The following CDC34 variants were observed in gnomAD, a reference collection of about 807,000 sequenced individuals.
The protein encoded by CDC34 is ubiquitin-conjugating enzyme E2 R1.
In CDC34, 18 loss-of-function variants were observed where a neutral mutation model predicts 26.8. The ratio of observed to expected loss-of-function variants is 0.67; its 90% CI spans 0.47 to 1.00. CDC34 has a LOEUF of 1.00. CDC34 is among the 50% of genes least tolerant of loss of function. CDC34 has a pLI of 0.00. For missense variants in CDC34, 280 were observed against 334.5 expected, an observed-to-expected ratio of 0.84 and a Z score of 1.27; for synonymous variants, 178 against 147.5, an observed-to-expected ratio of 1.21 and a Z score of -1.50.
Position 540,816 on chromosome 19 carries a change from C to CT in CDC34, c.498-523_498-522insT, listed in dbSNP as rs1435725752. Among the ~76,000 whole-genome samples, 310 of 95,200 alleles carry CT rather than the reference C, an allele frequency of 3.3e-3. 12 individuals carry two copies. The highest frequency in any genetic ancestry group is 0.012 in the African/African-American group (282 of 23,260). 62.5% of individuals were successfully genotyped at this position (95,200 alleles called of 152,430 possible). ...TGGCCAGGCCCCCCGGTTTAGAATCCGGAGGCCGGGGTGGCCAGGCCCCCG... is the reference window on the plus strand; with the variant it reads ...TGGCCAGGCCCCCCGGTTTAGAATCCTGGAGGCCGGGGTGGCCAGGCCCCCG... On this transcript the variant is annotated intron_variant, in intron 4 of 4. Transcript: ENST00000215574.
chr19:537,206 C>G, intron 4 of CDC34, 59 bp downstream of exon 4: 1 of 1,590,418 alleles, frequency 6.3e-7, no homozygotes, highest in East Asian at 2.3e-5. Context: ...GCACCCCGGC[C>G]CCTGGTCCCA....
chr19:537,573 C>T (rs1002285332), intron 4 of CDC34, among the ~76,000 whole-genome samples: 29 of 151,122 alleles, frequency 1.9e-4, no homozygotes, highest in Non-Finnish European at 1.0e-4. Context: ...AGGATGGTCT[C>T]GATCTCCTGA....
At chr19:540,801 C>T (rs2145853187) in intron 4 of CDC34, among the ~76,000 whole-genome samples, 2 of 58,224 alleles carry the variant, frequency 3.4e-5, no homozygotes, top group South Asian at 1.0e-3. Context: ...TGGCCAGGCC[C>T]CCCGGTTTAG....
chr19:532,181 C>A, intron 1 of CDC34, 73 bp downstream of exon 1: 1 of 1,262,284 alleles, frequency 7.9e-7, no homozygotes, highest in South Asian at 1.6e-5. Flanking sequence ...AGCTCCCTGC[C>A]CCGCGGTCCT....
Position 541,531 on chromosome 19 carries a change from C to T in CDC34, c.690C>T (p.Asp230=). 6.2e-7 allele frequency: 1 copy of T among 1,600,356 alleles called. No individual in the cohort carries two copies. Among genetic ancestry groups the T allele is most frequent in the South Asian group, 1.1e-5 (1 of 89,748 alleles). Residue 230 remains aspartate, a synonymous_variant, in exon 5 of 5, where the codon GAC becomes GAT. Transcript: ENST00000215574. Reference sequence around the variant, plus strand: ...GCTGCTTCGGGGACGATGAGGATGACTCTGGCACGGAGGAGTCCTGACACC... The same window carrying T: ...GCTGCTTCGGGGACGATGAGGATGATTCTGGCACGGAGGAGTCCTGACACC... ...ADSCFGDDED[D]SGTEES is the part of the protein sequence containing the mutation.
At chr19:536,088 C>CTCACATCCTCGTCCTTCCGGGACCT in intron 2 of CDC34, among the ~76,000 whole-genome samples, 155 bp from the exon 3 acceptor site, 1 of 131,646 alleles carries the variant, frequency 7.6e-6, no homozygotes, top group Non-Finnish European at 1.7e-5. Flanking sequence ...TTCCGGGACC[C>CTCACATCCTCGTCCTTCCGGGACCT]GAGGCGCTGG....
intron 4 of CDC34, chr19:538,563 C>T: frequency 7.0e-6 from 2 of 286,712 alleles, no homozygotes; most frequent in Non-Finnish European, 1.0e-5. Context: ...AGTGATATTG[C>T]ATAGATTTCC....
Position 537,006 on chromosome 19 carries a change from C to G in CDC34, c.363-7C>G. The G allele has an allele frequency of 1.9e-6, 3 of 1,613,550 alleles. No homozygotes were observed. The highest frequency in any genetic ancestry group is 2.5e-6 in the Non-Finnish European group (3 of 1,179,936). On this transcript the variant is annotated splice_polypyrimidine_tract_variant and splice_region_variant and intron_variant, in intron 3 of 4. Coordinates refer to ENST00000215574, the MANE Select transcript of CDC34 (RefSeq NM_004359.2). ...GGCCGCCCCACTCCGACCCACTCTC[C>G]CCACAGGACCATTCTCCTGAGTGTG...
intron 2 of CDC34, 87 bp from the exon 3 acceptor site, chr19:536,156 C>T (rs1463198503): frequency 1.8e-6 from 2 of 1,123,004 alleles, no homozygotes; most frequent in Non-Finnish European, 2.6e-6. Flanking sequence ...ACGTCCTCGT[C>T]CTCCACGTCC....
Position 532,448 on chromosome 19 carries a change from T to C in CDC34, c.177+340T>C, listed in dbSNP as rs566540549. Among the ~76,000 whole-genome samples, 15 of 152,252 alleles carry C rather than the reference T, an allele frequency of 9.9e-5. No homozygotes were observed. In the South Asian group the frequency reaches 2.9e-3, roughly 29 times the overall value. ...CGTGGGGCTCTTGCCCACCTCCTCC[T>C]TGGCGGGGGCTGGACCCCGGCTGCC... On this transcript the variant is annotated intron_variant, in intron 1 of 4. Transcript: ENST00000215574.
At chr19:541,179 TG>T in intron 4 of CDC34, 159 bp from the exon 5 acceptor site, 2 of 914,392 alleles carry the variant, frequency 2.2e-6, no homozygotes, top group Non-Finnish European at 3.1e-6. Flanking sequence ...TTTCTCCCCC[TG>T]GAGTTCCTCA....
Position 541,424 on chromosome 19 carries a change from A to G in CDC34, c.583A>G (p.Lys195Glu). The G allele has an allele frequency of 6.2e-7, 1 of 1,611,506 alleles. No individual in the cohort carries two copies. The highest frequency in any genetic ancestry group is 8.5e-7 in the Non-Finnish European group (1 of 1,179,294). Residue 195 changes from lysine to glutamate, a missense_variant, in exon 5 of 5, where the codon AAG (lysine) becomes GAG (glutamate). By Grantham distance (56) the Lys-to-Glu change is moderately conservative. Transcript: ENST00000215574. ...GCTGGCCGAGTACTGCGTGAAGACCAAGGCGCCGGCGCCCGACGAGGGCTC... is the reference window on the plus strand; with the variant it reads ...GCTGGCCGAGTACTGCGTGAAGACCGAGGCGCCGGCGCCCGACGAGGGCTC... ...TTLAEYCVKT[K>E]APAPDEGSDL...
At position 534,528 on chromosome 19, in the gene CDC34, C is replaced by T. The variant is rs1409023123; in HGVS notation, c.178-1309C>T. Among the ~76,000 whole-genome samples, 7 of 135,680 alleles carry T rather than the reference C, an allele frequency of 5.2e-5. 1 individual carries two copies. Among genetic ancestry groups the T allele is most frequent in the African/African-American group, 8.5e-5 (3 of 35,156 alleles). 89.0% of individuals were successfully genotyped at this position (135,680 alleles called of 152,430 possible). On this transcript the variant is annotated intron_variant, in intron 1 of 4. Coordinates refer to ENST00000215574, the MANE Select transcript of CDC34 (RefSeq NM_004359.2). ...CTGAGTGCCCTCCCTGTCCAGACCTCGCCCACAATCCAAGACCCCCGAGTA... is the reference window on the plus strand; with the variant it reads ...CTGAGTGCCCTCCCTGTCCAGACCTTGCCCACAATCCAAGACCCCCGAGTA...
At chr19:534,502 CCT>C (rs760334977) in intron 1 of CDC34, among the ~76,000 whole-genome samples, 2 of 127,888 alleles carry the variant, frequency 1.6e-5, no homozygotes. Context: ...TCCAAGACCC[CCT>C]GAGTGCCCTC....
Position 541,647 on chromosome 19 carries a change from C to A in CDC34, c.*95C>A. 7.4e-7 allele frequency: 1 copy of A among 1,356,340 alleles called. No homozygotes were observed. The highest frequency in any genetic ancestry group is 1.5e-5 in the South Asian group (1 of 65,702). The allele number at this position is 1,356,340 out of a possible 1,614,324, so 84.0% of individuals were successfully genotyped here. On this transcript the variant is annotated 3_prime_UTR_variant, in exon 5 of 5. Transcript: ENST00000215574. ...ACCTCACGGAGGTTTTGTGCTGGTCCCCGTCTCCTCTGGTTGTTTCGTTTT... is the reference window on the plus strand; with the variant it reads ...ACCTCACGGAGGTTTTGTGCTGGTCACCGTCTCCTCTGGTTGTTTCGTTTT...
At chr19:536,785 A>G (rs1316590777) in intron 3 of CDC34, 3 of 581,902 alleles carry the variant, frequency 5.2e-6, no homozygotes, top group Non-Finnish European at 9.2e-6. Context: ...GGTCTGACGG[A>G]GGGGTCTGCA....
At position 541,326 on chromosome 19, in the gene CDC34, C is replaced by T; in HGVS notation, c.498-13C>T. The T allele has an allele frequency of 6.5e-7, 1 of 1,545,274 alleles. No homozygotes were observed. The highest frequency in any genetic ancestry group is 8.7e-7 in the Non-Finnish European group (1 of 1,148,742). ...GCACGTGGGTGGCGCCCTCACCCACCCTGTCCCCCCAGGAAGCAGGTCCTG... is the reference window on the plus strand; with the variant it reads ...GCACGTGGGTGGCGCCCTCACCCACTCTGTCCCCCCAGGAAGCAGGTCCTG... On this transcript the variant is annotated splice_polypyrimidine_tract_variant and intron_variant, in intron 4 of 4. Transcript: ENST00000215574.
chr19:537,244 A>T, intron 4 of CDC34, 97 bp downstream of exon 4: 3 of 1,392,376 alleles, frequency 2.2e-6, no homozygotes, highest in Non-Finnish European at 3.0e-6. Context: ...CTTCCTGGTG[A>T]GGGTGGCGGA....
intron 4 of CDC34, among the ~76,000 whole-genome samples, chr19:538,104 T>G (rs1979845495): frequency 6.6e-6 from 1 of 151,990 alleles, no homozygotes; most frequent in East Asian, 1.9e-4. Flanking sequence ...AATGGGGTCG[T>G]GCTGTGTGTG....
Sources: gnomAD v4.1 joint callset for allele counts (sites outside exome capture counted in the v4.1 genomes callset) on GRCh38, gnomAD v4.1.1 for gene constraint, MANE v1.5 for transcripts, NCBI Gene and HGNC (gene_info 2026-07-23, HGNC 2026-07-21) for gene names.